VPS13B: variants seen among roughly 807,000 people sequenced by gnomAD.
VPS13B encodes vacuolar protein sorting 13 homolog B, also known as intermembrane lipid transfer protein VPS13B.
Under a neutral mutation model 426.4 loss-of-function variants are expected in VPS13B, and 285 were observed. The observed-to-expected ratio is 0.67, with a 90% confidence interval of 0.61 to 0.74. VPS13B has a LOEUF of 0.74. Ranked by LOEUF, VPS13B falls within the 30% of genes least tolerant of loss-of-function variation. The probability of loss-of-function intolerance (pLI) is 0.00; values close to 1 mark genes in which losing one functional copy is unlikely to be tolerated. For synonymous variants in VPS13B, 1,676 were observed against 1,676.4 expected (o/e 1.00, Z 0.01); for missense variants, 4,537 against 4,782.6 (o/e 0.95, Z 1.51).
intron 42 of VPS13B, among the ~76,000 whole-genome samples, 165 bp downstream of exon 42, chr8:99,779,196 G>A (rs188015854): frequency 1.6e-4 from 25 of 152,314 alleles, no homozygotes; most frequent in African/African-American, 5.8e-4. Context: ...TTGGCAAAGT[G>A]ATGCATGTTA....
chr8:99,616,345 T>C (rs1335600391), intron 33 of VPS13B, among the ~76,000 whole-genome samples: 1 of 151,954 alleles, frequency 6.6e-6, no homozygotes, highest in Non-Finnish European at 1.5e-5. Context: ...TAATGAGTAA[T>C]AGATGTATAA....
chr8:99,472,747 C>A (rs1242969085), intron 24 of VPS13B, among the ~76,000 whole-genome samples: 2 of 151,930 alleles, frequency 1.3e-5, no homozygotes, highest in Non-Finnish European at 1.5e-5. Context: ...TAAACTGATT[C>A]TTTTAAAAGA....
rs192386767 is a variant in VPS13B at position 99,023,541 on chromosome 8, C to T, written c.147+9606C>T. ...TGTTGCTCAGGCTGGAGTGCAGTGGCGCAATCTTGGCTCACTGCAACCTCT... is the reference window on the plus strand; with the variant it reads ...TGTTGCTCAGGCTGGAGTGCAGTGGTGCAATCTTGGCTCACTGCAACCTCT... On this transcript the variant is annotated intron_variant, in intron 2 of 61. Coordinates refer to ENST00000357162, the MANE Select transcript of VPS13B (RefSeq NM_152564.5). Among the ~76,000 whole-genome samples the T allele has an allele frequency of 6.0e-3, 910 of 150,800 alleles. 9 individuals are homozygous for T. The highest frequency in any genetic ancestry group is 0.016 in the South Asian group (74 of 4,762).
At chr8:99,369,686 A>G (rs1001085119) in intron 19 of VPS13B, among the ~76,000 whole-genome samples, 1 of 152,210 alleles carries the variant, frequency 6.6e-6, no homozygotes, top group African/African-American at 2.4e-5. Context: ...TTTAGAATAT[A>G]TACTCGTTGG....
At chr8:99,310,217 A>G (rs1190770991) in intron 19 of VPS13B, among the ~76,000 whole-genome samples, 2 of 152,114 alleles carry the variant, frequency 1.3e-5, no homozygotes, top group East Asian at 3.9e-4. Context: ...TTCCAACACT[A>G]TGTTGAATAG....
At chr8:99,068,430 T>G (rs1254790168) in intron 3 of VPS13B, among the ~76,000 whole-genome samples, 1 of 152,220 alleles carries the variant, frequency 6.6e-6, no homozygotes. Flanking sequence ...CTATGCCCCA[T>G]GGGCTCACTG....
intron 25 of VPS13B, among the ~76,000 whole-genome samples, chr8:99,485,061 A>G (rs576737959): frequency 1.3e-5 from 2 of 152,344 alleles, no homozygotes; most frequent in African/African-American, 4.8e-5. Flanking sequence ...GAACAACACT[A>G]GGATTTACTC....
chr8:99,403,547 T>C (rs1168991508), intron 21 of VPS13B, among the ~76,000 whole-genome samples: 3 of 115,830 alleles, frequency 2.6e-5, no homozygotes, highest in Admixed American at 2.1e-4. Flanking sequence ...AGACTCTGTC[T>C]CAAAAAAAAA....
intron 51 of VPS13B, among the ~76,000 whole-genome samples, chr8:99,826,553 C>T (rs1202920195): frequency 6.6e-6 from 1 of 152,110 alleles, no homozygotes; most frequent in Non-Finnish European, 1.5e-5. Context: ...TATTTGAATA[C>T]CCTTTATTTC....
intron 19 of VPS13B, among the ~76,000 whole-genome samples, chr8:99,373,645 C>T (rs1293464251): frequency 6.6e-6 from 1 of 152,148 alleles, no homozygotes; most frequent in Non-Finnish European, 1.5e-5. Flanking sequence ...ATCACTTGAG[C>T]TCAGTAGTTC....
At chr8:99,360,142 CTT>C (rs1288762084) in intron 19 of VPS13B, among the ~76,000 whole-genome samples, 5 of 30,012 alleles carry the variant, frequency 1.7e-4, no homozygotes, top group African/African-American at 6.8e-4. Context: ...TTCTTTCTTT[CTT>C]TCTTTCTTTC....
chr8:99,427,501 CAG>C (rs1206376980), intron 21 of VPS13B, among the ~76,000 whole-genome samples: 1 of 151,540 alleles, frequency 6.6e-6, no homozygotes, highest in Non-Finnish European at 1.5e-5. Flanking sequence ...AACAGACAAA[CAG>C]AGAGTCAAAT....
At chr8:99,770,812 C>T (rs191776046) in intron 40 of VPS13B, among the ~76,000 whole-genome samples, 203 of 152,216 alleles carry the variant, frequency 1.3e-3, no homozygotes, top group Admixed American at 2.2e-3. Context: ...CTTCCGGAGG[C>T]AAAGAAGAAG....
intron 17 of VPS13B, among the ~76,000 whole-genome samples, chr8:99,195,980 A>G (rs1406311750): frequency 2.0e-5 from 3 of 152,126 alleles, no homozygotes; most frequent in Non-Finnish European, 4.4e-5. Context: ...ATAAAGTCAG[A>G]TAGTGTGATT....
chr8:99,742,428 C>T (rs1809792286), intron 39 of VPS13B, among the ~76,000 whole-genome samples: 1 of 152,182 alleles, frequency 6.6e-6, no homozygotes, highest in African/African-American at 2.4e-5. Flanking sequence ...CCTTCTGAAA[C>T]TATTCCAATC....
chr8:99,461,675 C>A (rs145176744), intron 23 of VPS13B, among the ~76,000 whole-genome samples: 3 of 152,184 alleles, frequency 2.0e-5, no homozygotes, highest in South Asian at 4.1e-4. Flanking sequence ...TAATAAAGAG[C>A]CTTTGCAATT....
chr8:99,853,900 C>T lies in VPS13B; in HGVS notation c.10511C>T (p.Ala3504Val). 2 of 1,614,234 alleles carry T rather than the reference C, an allele frequency of 1.2e-6. No individual in the cohort carries two copies. Among genetic ancestry groups the T allele is most frequent in the Non-Finnish European group, 1.7e-6 (2 of 1,180,050 alleles). The change falls in exon 56 of 62, where the codon GCT becomes GTT. Residue 3504 changes from alanine to valine, a missense_variant. Physicochemically the swap from Ala to Val is moderately conservative, Grantham distance 64. Around this residue, in one of 2 missense-constraint regions of VPS13B, gnomAD observed 4,311 missense variants for 4,474.3 expected, o/e 0.96. Transcript: ENST00000357162. Reference protein sequence around the residue: ...INEFSFELKPARLYVEDTFVY... With the variant: ...INEFSFELKPVRLYVEDTFVY... The stretch of plus-strand genomic sequence containing the variant: ...GAGTTCAGCTTTGAATTAAAACCTG[C>T]TCGGTTATACGTGGAAGACACATTT...
intron 39 of VPS13B, among the ~76,000 whole-genome samples, chr8:99,733,462 A>G (rs530290733): frequency 6.6e-6 from 1 of 152,354 alleles, no homozygotes; most frequent in South Asian, 2.1e-4. Flanking sequence ...TGTTAGGAGG[A>G]ATAAATGACT....
At chr8:99,094,176 A>T (rs1323405200) in intron 3 of VPS13B, 2 of 152,186 alleles carry the variant, frequency 1.3e-5, no homozygotes, top group Non-Finnish European at 2.9e-5. Context: ...AAATATTTTC[A>T]TAATTATGCT....
Sources: gnomAD v4.1 joint callset for allele counts (sites outside exome capture counted in the v4.1 genomes callset) on GRCh38, gnomAD v4.1.1 for gene constraint, gnomAD v4.1.1 regional missense constraint, MANE v1.5 for transcripts, NCBI Gene and HGNC (gene_info 2026-07-23, HGNC 2026-07-21) for gene names.